ADGRL1: variants seen among roughly 807,000 people sequenced by gnomAD.
ADGRL1 encodes the protein CIRL-1.
In ADGRL1, 31 loss-of-function variants were observed where a neutral mutation model predicts 148.9. The observed-to-expected ratio is 0.21, with a 90% CI of 0.16 to 0.28. The LOEUF is 0.28. ADGRL1 is among the 10% of genes least tolerant of loss of function. The pLI, the probability that ADGRL1 is intolerant of heterozygous loss-of-function variation, is 1.00. For synonymous variants in ADGRL1, 937 were observed against 900.3 expected (o/e 1.04, Z -0.73); for missense variants, 1,521 against 2,058.8 (o/e 0.74, Z 5.05).
At chr19:14,189,133 G>A (rs915520302) in intron 1 of ADGRL1, among the ~76,000 whole-genome samples, 2 of 151,730 alleles carry the variant, frequency 1.3e-5, no homozygotes, top group Non-Finnish European at 2.9e-5. Flanking sequence ...CCCAGCCCTG[G>A]TAACTTATAA....
rs1322089747 is a variant in ADGRL1 at position 14,155,655 on chromosome 19, G to T, written c.3126-128C>A. The T allele has an allele frequency of 2.2e-6, 2 of 909,676 alleles. No homozygotes were observed. Among genetic ancestry groups the T allele is most frequent in the Non-Finnish European group, 1.6e-6 (1 of 611,414 alleles). 56.4% of individuals were successfully genotyped at this position (909,676 alleles called of 1,614,324 possible). A position where few individuals can be genotyped will look rare whatever the true frequency, so the allele number is the denominator to read the frequency against. On this transcript the variant is annotated intron_variant, in intron 17 of 22. Coordinates refer to ENST00000361434, the MANE Select transcript of ADGRL1 (RefSeq NM_014921.5). The surrounding 1 kb of genome is among the most constrained non-coding windows in gnomAD (Gnocchi z 5.0). ...GCACTGTCTGCAAAGCCCTGAGCGGGCCGAGTGGGCCTTGGGGGCAGTGGC... is the reference window on the plus strand; with the variant it reads ...GCACTGTCTGCAAAGCCCTGAGCGGTCCGAGTGGGCCTTGGGGGCAGTGGC...
Position 14,148,644 on chromosome 19 carries a change from C to G in ADGRL1, c.*2229G>C, listed in dbSNP as rs1395214887. On this transcript the variant is annotated 3_prime_UTR_variant, in exon 23 of 23. Transcript: ENST00000361434. ...CTCAGAGTCGTCTGGCAAGACTGTC[C>G]CTGGCCTCACTTCTCCTCCCCATCT... is the stretch of plus-strand genomic sequence containing the variant. 6.5e-6 allele frequency: 1 copy of G among 152,778 alleles called. No homozygotes were observed. The highest frequency in any genetic ancestry group is 2.4e-5 in the African/African-American group (1 of 41,448). The allele number at this position is 152,778 out of a possible 1,614,324, so 9.5% of individuals were successfully genotyped here.
rs914316945 is a variant in ADGRL1 at position 14,150,615 on chromosome 19, C to T, written c.*258G>A. Reference sequence around the variant, plus strand: ...TTCTCCCTCCTCACTCCCCTGGGGTCCTCTGGGCTCCTCCTCACTACACTT... The same window carrying T: ...TTCTCCCTCCTCACTCCCCTGGGGTTCTCTGGGCTCCTCCTCACTACACTT... On this transcript the variant is annotated 3_prime_UTR_variant, in exon 23 of 23. Transcript: ENST00000361434. The T allele has an allele frequency of 3.8e-6, 2 of 521,248 alleles. No homozygotes were observed. The highest frequency in any genetic ancestry group is 5.3e-5 in the South Asian group (2 of 38,016). The allele number at this position is 521,248 out of a possible 1,614,324, so 32.3% of individuals were successfully genotyped here.
rs1460525258 is a variant in ADGRL1 at position 14,152,755 on chromosome 19, G to A, written c.3423+29C>T. 8.1e-6 allele frequency: 13 copies of A among 1,612,656 alleles called. No homozygotes were observed. The highest frequency in any genetic ancestry group is 1.1e-5 in the Non-Finnish European group (13 of 1,179,058). On this transcript the variant is annotated intron_variant, in intron 19 of 22. Transcript: ENST00000361434. The surrounding 1 kb of genome is among the most constrained non-coding windows in gnomAD (Gnocchi z 6.1). ...CTCAGGCTCCAGGTTCCAACACTCAGCCCCAGGGAGTCCTGTCTGGCCCGA... is the reference window on the plus strand; with the variant it reads ...CTCAGGCTCCAGGTTCCAACACTCAACCCCAGGGAGTCCTGTCTGGCCCGA...
At chr19:14,176,229 T>G (rs966663252) in intron 3 of ADGRL1, among the ~76,000 whole-genome samples, 1 of 151,722 alleles carries the variant, frequency 6.6e-6, no homozygotes, top group Non-Finnish European at 1.5e-5. Flanking sequence ...TGCGCGCCTG[T>G]AGTCCTAGCT....
At chr19:14,197,157 G>A (rs568779351) in intron 1 of ADGRL1, among the ~76,000 whole-genome samples, 1 of 151,962 alleles carries the variant, frequency 6.6e-6, no homozygotes, top group Non-Finnish European at 1.5e-5. Flanking sequence ...CTGTGGTCCT[G>A]GCTACTCGGG....
chr19:14,187,689 C>T (rs371280859), intron 1 of ADGRL1, among the ~76,000 whole-genome samples: 4 of 151,874 alleles, frequency 2.6e-5, no homozygotes, highest in Admixed American at 6.6e-5. Context: ...AGCCCCTATC[C>T]GCATCTCCCC....
chr19:14,199,498 C>T (rs1244482374), intron 1 of ADGRL1, among the ~76,000 whole-genome samples: 1 of 151,764 alleles, frequency 6.6e-6, no homozygotes, highest in Non-Finnish European at 1.5e-5. Context: ...GTGGTGGGAT[C>T]ATAGCTCACC....
chr19:14,153,865 TG>T (rs901398230), intron 18 of ADGRL1, among the ~76,000 whole-genome samples: 2 of 150,740 alleles, frequency 1.3e-5, no homozygotes, highest in East Asian at 2.0e-4. Flanking sequence ...TGCTTGAAGC[TG>T]GGGGGGTGGA....
chr19:14,202,269 T>C (rs1972664537), intron 1 of ADGRL1, among the ~76,000 whole-genome samples: 1 of 151,658 alleles, frequency 6.6e-6, no homozygotes, highest in African/African-American at 2.4e-5. Context: ...TTTTTTTTTA[T>C]TGAGAATGAG....
chr19:14,188,441 C>T (rs1463213043), intron 1 of ADGRL1, among the ~76,000 whole-genome samples: 1 of 152,132 alleles, frequency 6.6e-6, no homozygotes, highest in Non-Finnish European at 1.5e-5. Flanking sequence ...AGTGGACCCC[C>T]CAGAGCCATG....
At position 14,157,737 on chromosome 19, in the gene ADGRL1, G is replaced by C. The variant is rs1469593999; in HGVS notation, c.2535+145C>G. On this transcript the variant is annotated intron_variant, in intron 13 of 22. Coordinates refer to ENST00000361434, the MANE Select transcript of ADGRL1 (RefSeq NM_014921.5). This position sits in a 1 kb window ranked among gnomAD's most constrained non-coding sequence, Gnocchi z 7.5. ...ATGGCCATAGAGGACCAGACGCATG[G>C]CCTCATGCCCCAGGCAAGACCAGGG... 1.0e-6 allele frequency: 1 copy of C among 967,204 alleles called. No homozygotes were observed. Among genetic ancestry groups the C allele is most frequent in the Non-Finnish European group, 1.5e-6 (1 of 664,756 alleles). The allele number at this position is 967,204 out of a possible 1,614,324, so 59.9% of individuals were successfully genotyped here.
chr19:14,154,832 G>T (rs935957536), intron 18 of ADGRL1, among the ~76,000 whole-genome samples: 1 of 151,816 alleles, frequency 6.6e-6, no homozygotes, highest in South Asian at 2.1e-4. Context: ...GGCCAGGCTG[G>T]TCTGGAACTC....
At chr19:14,156,564 TGTGG>T in intron 16 of ADGRL1, 90 bp downstream of exon 16, 1 of 519,132 alleles carries the variant, frequency 1.9e-6, no homozygotes, top group Non-Finnish European at 3.0e-6. Context: ...TGTGTGTGTG[TGTGG>T]GGGGGGTGGG....
At chr19:14,151,926 C>CA (rs1349918006) in intron 22 of ADGRL1, among the ~76,000 whole-genome samples, 1 of 152,184 alleles carries the variant, frequency 6.6e-6, no homozygotes, top group Non-Finnish European at 1.5e-5. Context: ...TTCCTGTGCT[C>CA]AGACCCTCAG....
rs771312646 is a variant in ADGRL1, at chr19:14,160,953, C to T, written c.1511-257G>A. 3.9e-5 allele frequency among the ~76,000 whole-genome samples: 6 copies of T among 152,166 alleles called. No homozygotes were observed. The highest frequency in any genetic ancestry group is 1.9e-4 in the East Asian group (1 of 5,172). On this transcript the variant is annotated intron_variant, in intron 6 of 22. Coordinates refer to ENST00000361434, the MANE Select transcript of ADGRL1 (RefSeq NM_014921.5). The surrounding 1 kb of genome is among the most constrained non-coding windows in gnomAD (Gnocchi z 5.9). ...ACCTTCCAGCAAGGCCCATCTTGAA[C>T]GCCCCCTCTCCACGAAGCACCTGCC...
At position 14,159,203 on chromosome 19, in the gene ADGRL1, G is replaced by A. The variant is rs1253678201; in HGVS notation, c.2036C>T (p.Thr679Ile). 1 of 1,614,072 alleles carries A rather than the reference G, an allele frequency of 6.2e-7. No homozygotes were observed. Among genetic ancestry groups the A allele is most frequent in the East Asian group, 2.2e-5 (1 of 44,884 alleles). ...AAKENVVLEV[T>I]VLNTEGQVQE... ...CACCTGGCCCTCTGTGTTCAGGACT[G>A]TGACCTCCAGGACTGTGGGGACAGG... Residue 679 changes from threonine (T) to isoleucine (I), a missense_variant, in exon 11 of 23, where the codon ACA becomes ATA. This residue lies in a region of ADGRL1 where 265 missense variants were observed against 431.9 expected (regional missense o/e 0.61). Transcript: ENST00000361434. This position sits in a 1 kb window ranked among gnomAD's most constrained non-coding sequence, Gnocchi z 6.0.
At position 14,163,351 on chromosome 19, in the gene ADGRL1, C is replaced by T. The variant is rs202215544; in HGVS notation, c.450G>A (p.Glu150=). ...ACCATGCGCCAGACTGGTGCTCTGA[C>T]TCGTGTGTCGAGGTGGGCTCCAGCA... is the stretch of plus-strand genomic sequence containing the variant. ...QKVLEPTSTH[E]SEHQSGAWCK... is the part of the protein sequence containing the mutation. Residue 150 remains glutamate, a synonymous_variant, in exon 5 of 23, where the codon GAG becomes GAA. Transcript: ENST00000361434. 1.6e-4 allele frequency: 256 copies of T among 1,605,266 alleles called. No homozygotes were observed. Among genetic ancestry groups the T allele is most frequent in the East Asian group, 1.1e-4 (5 of 44,494 alleles).
chr19:14,188,918 C>T (rs973907313), intron 1 of ADGRL1, among the ~76,000 whole-genome samples: 6 of 151,920 alleles, frequency 3.9e-5, no homozygotes, highest in Admixed American at 6.6e-5. Context: ...GGATTATAGG[C>T]GCCCACCACC....
Sources: allele counts gnomAD v4.1 joint callset (sites outside exome capture counted in the v4.1 genomes callset), GRCh38; gene constraint gnomAD v4.1.1; regional missense constraint gnomAD v4.1.1; non-coding constraint Gnocchi (gnomAD v3.1); transcripts MANE v1.5; gene names NCBI Gene and HGNC (gene_info 2026-07-23, HGNC 2026-07-21).